The following DCC variants were observed in gnomAD, a reference collection of about 807,000 sequenced individuals.
The protein encoded by DCC is DCC netrin 1 receptor, also known as netrin receptor DCC.
A neutral mutation model predicts 172.5 loss-of-function variants in DCC; 58 were observed. The observed-to-expected ratio is 0.34, with a 90% CI of 0.27 to 0.42. The LOEUF is 0.42. DCC is among the 10% of genes least tolerant of loss of function. The probability of loss-of-function intolerance (pLI) is 1.00; values close to 1 mark genes in which losing one functional copy is unlikely to be tolerated. For synonymous variants in DCC, 709 were observed against 644.5 expected (o/e 1.10, Z -1.52); for missense variants, 1,740 against 1,791.0 (o/e 0.97, Z 0.51).
intron 12 of DCC, among the ~76,000 whole-genome samples, chr18:53,263,002 C>T (rs1329123405): frequency 6.6e-6 from 1 of 151,986 alleles, no homozygotes; most frequent in Admixed American, 6.6e-5. Flanking sequence ...TAAGCATTGG[C>T]AATGAAAGTT....
chr18:53,014,820 T>C (rs1386206460), intron 5 of DCC, among the ~76,000 whole-genome samples: 1 of 152,070 alleles, frequency 6.6e-6, no homozygotes, highest in East Asian at 1.9e-4. Context: ...AGGAGGAAAT[T>C]TGGAAGACCA....
intron 1 of DCC, among the ~76,000 whole-genome samples, chr18:52,507,692 T>C (rs1182020676): frequency 2.6e-5 from 4 of 152,220 alleles, no homozygotes; most frequent in South Asian, 2.1e-4. Flanking sequence ...TTTCTTTTGC[T>C]TTCTCAAATA....
intron 7 of DCC, among the ~76,000 whole-genome samples, chr18:53,086,849 A>G (rs541595094): frequency 2.1e-5 from 3 of 140,482 alleles, no homozygotes; most frequent in Admixed American, 7.8e-5. Context: ...AGAATATGTG[A>G]TGTTTGGTTT....
intron 27 of DCC, among the ~76,000 whole-genome samples, chr18:53,505,767 T>C (rs544518492): frequency 3.9e-4 from 60 of 152,334 alleles, no homozygotes; most frequent in African/African-American, 1.4e-3. Context: ...GTACTTGGAT[T>C]ATACTGCAGA....
At chr18:53,115,687 T>C (rs1317708871) in intron 7 of DCC, among the ~76,000 whole-genome samples, 1 of 151,662 alleles carries the variant, frequency 6.6e-6, no homozygotes, top group Non-Finnish European at 1.5e-5. Context: ...GTAAGAGATA[T>C]TCTTTTATGA....
chr18:52,845,329 TA>T (rs1364589024), intron 2 of DCC, among the ~76,000 whole-genome samples: 2 of 152,212 alleles, frequency 1.3e-5, no homozygotes, highest in East Asian at 3.9e-4. Flanking sequence ...TGACACAATT[TA>T]AAATGTGAAA....
chr18:52,753,729 G>C (rs912522603), intron 2 of DCC, among the ~76,000 whole-genome samples: 4 of 152,102 alleles, frequency 2.6e-5, no homozygotes, highest in Middle Eastern at 3.2e-3. Context: ...TGTAGACTCT[G>C]AAAAAATGGT....
intron 5 of DCC, among the ~76,000 whole-genome samples, chr18:52,992,894 G>C (rs2041416421): frequency 6.6e-6 from 1 of 151,504 alleles, no homozygotes; most frequent in Non-Finnish European, 1.5e-5. Flanking sequence ...CAGGAGAATT[G>C]CTTGAACCCA....
chr18:53,231,039 T>C (rs960930230), intron 12 of DCC, among the ~76,000 whole-genome samples: 2 of 151,972 alleles, frequency 1.3e-5, no homozygotes, highest in Non-Finnish European at 2.9e-5. Flanking sequence ...GATCTTAGAA[T>C]TGATTTTTTC....
chr18:52,350,061 T>C (rs1435020407), intron 1 of DCC, among the ~76,000 whole-genome samples: 5 of 152,214 alleles, frequency 3.3e-5, no homozygotes, highest in Non-Finnish European at 2.9e-5. Context: ...CAATGCCTAA[T>C]AAAATCATTG....
Position 52,411,558 on chromosome 18 carries a change from C to T in DCC, c.91+70680C>T, listed in dbSNP as rs569468928. ...CCTAAGATTTCATCTAGGGTAGGGT[C>T]TGTCTTCTGGCCTGTGGCTACCTAC... On this transcript the variant is annotated intron_variant, in intron 1 of 28. Transcript: ENST00000442544. Among the ~76,000 whole-genome samples, 10 of 152,324 alleles carry T rather than the reference C, an allele frequency of 6.6e-5. No homozygotes were observed. In the East Asian group the frequency reaches 9.7e-4, roughly 15 times the overall value.
intron 27 of DCC, among the ~76,000 whole-genome samples, chr18:53,503,262 G>A (rs1214165917): frequency 6.6e-6 from 1 of 152,090 alleles, no homozygotes; most frequent in East Asian, 1.9e-4. Context: ...TTGTCATAAC[G>A]ACTGAAATTC....
chr18:53,099,858 C>T (rs1251309129), intron 7 of DCC, among the ~76,000 whole-genome samples: 2 of 151,546 alleles, frequency 1.3e-5, no homozygotes, highest in Non-Finnish European at 2.9e-5. Flanking sequence ...TCTGAACTAG[C>T]AGAGGATTCA....
Position 53,531,117 on chromosome 18 carries a change from A to G in DCC, c.*464A>G, listed in dbSNP as rs940126041. ...TTCAACTTAAACATACAAAGCACCCATGGGAATCTCTCATGCCATAGCACC... is the reference window on the plus strand; with the variant it reads ...TTCAACTTAAACATACAAAGCACCCGTGGGAATCTCTCATGCCATAGCACC... On this transcript the variant is annotated 3_prime_UTR_variant, in exon 29 of 29. Transcript: ENST00000442544. The G allele has an allele frequency of 5.1e-5, 11 of 213,724 alleles. No individual in the cohort carries two copies. Among genetic ancestry groups the G allele is most frequent in the African/African-American group, 2.0e-4 (9 of 44,500 alleles). 13.2% of individuals were successfully genotyped at this position (213,724 alleles called of 1,614,324 possible).
Position 52,435,219 on chromosome 18 carries a change from T to C in DCC, c.91+94341T>C, listed in dbSNP as rs137864016. On this transcript the variant is annotated intron_variant, in intron 1 of 28. Transcript: ENST00000442544. ...CTTTGCCATTTATAATATTTATCCT[T>C]CAGCAGTTTTCCCTGTTCCCTTGTT... Among the ~76,000 whole-genome samples, 157 of 152,304 alleles carry C rather than the reference T, an allele frequency of 1.0e-3. 1 individual carries two copies. Among genetic ancestry groups the C allele is most frequent in the African/African-American group, 3.6e-3 (150 of 41,582 alleles).
chr18:53,315,071 G>A (rs190422831), intron 13 of DCC, among the ~76,000 whole-genome samples: 3 of 152,174 alleles, frequency 2.0e-5, no homozygotes, highest in African/African-American at 7.2e-5. Flanking sequence ...CCATTAACCC[G>A]TCATCTACAT....
chr18:52,951,993 G>C (rs1014851987), intron 5 of DCC, among the ~76,000 whole-genome samples: 7 of 152,076 alleles, frequency 4.6e-5, no homozygotes, highest in Admixed American at 3.3e-4. Context: ...ACATTTGCTG[G>C]GTCTATAGAT....
chr18:53,041,530 G>A (rs1568263980), intron 5 of DCC, among the ~76,000 whole-genome samples: 1 of 151,924 alleles, frequency 6.6e-6, no homozygotes, highest in East Asian at 1.9e-4. Context: ...ATTAAAAGTA[G>A]TTTTTTTCTA....
chr18:52,449,909 A>G (rs1398910007), intron 1 of DCC, among the ~76,000 whole-genome samples: 1 of 152,172 alleles, frequency 6.6e-6, no homozygotes, highest in African/African-American at 2.4e-5. Context: ...CTCCCCAGCA[A>G]TGCATAACTT....
Sources: gnomAD v4.1 joint callset for allele counts (sites outside exome capture counted in the v4.1 genomes callset) on GRCh38, gnomAD v4.1.1 for gene constraint, MANE v1.5 for transcripts, NCBI Gene and HGNC (gene_info 2026-07-23, HGNC 2026-07-21) for gene names.